XKR9: variants seen among roughly 807,000 people sequenced by gnomAD.
XKR9 encodes the protein XK-related protein 9.
A neutral mutation model predicts 32.0 loss-of-function variants in XKR9; 32 were observed. The observed-to-expected ratio is 1.00, with a 90% confidence interval of 0.76 to 1.34. The LOEUF (loss-of-function observed/expected upper bound fraction) is 1.34, where lower values mean the gene tolerates loss of function less well. Ranked by LOEUF, XKR9 falls within the 40% of genes most tolerant of loss-of-function variation. The pLI, the probability that XKR9 is intolerant of heterozygous loss-of-function variation, is 0.00. For synonymous variants in XKR9, 168 were observed against 143.4 expected, an observed-to-expected ratio of 1.17 and a Z score of -1.22; for missense variants, 546 against 429.7, an observed-to-expected ratio of 1.27 and a Z score of -2.39.
the XKR9 span, among the ~76,000 whole-genome samples, chr8:70,841,199 T>C: frequency 6.6e-6 from 1 of 152,160 alleles, no homozygotes; most frequent in African/African-American, 2.4e-5. Context: ...TGGACCTCAG[T>C]TTCCATCTCT....
chr8:70,706,460 T>G (rs1044476223), intron 3 of XKR9, among the ~76,000 whole-genome samples: 7 of 152,134 alleles, frequency 4.6e-5, no homozygotes, highest in Non-Finnish European at 8.8e-5. Context: ...TAAGGGAAAT[T>G]ATCTGTGTTG....
the XKR9 span, among the ~76,000 whole-genome samples, chr8:71,059,146 T>G: frequency 6.6e-6 from 1 of 152,270 alleles, no homozygotes; most frequent in Non-Finnish European, 1.5e-5. Flanking sequence ...TGATTAATAC[T>G]TTTCTGTGCC....
intron 2 of XKR9, among the ~76,000 whole-genome samples, chr8:70,779,177 G>A (rs145007884): frequency 5.8e-4 from 88 of 152,028 alleles, no homozygotes; most frequent in African/African-American, 2.0e-3. Context: ...GAATTTTGTC[G>A]AAGGCCTTTT....
At chr8:70,905,914 G>T in the XKR9 span, among the ~76,000 whole-genome samples, 3 of 152,214 alleles carry the variant, frequency 2.0e-5, no homozygotes, top group African/African-American at 7.2e-5. Context: ...GTTTGCCTGT[G>T]TTATCACCAG....
At chr8:70,710,438 T>C (rs268648) in intron 4 of XKR9, among the ~76,000 whole-genome samples, 97,550 of 152,066 alleles carry the variant, frequency 0.64, 31,733 homozygotes, top group Admixed American at 0.73. Context: ...CTGTGGCTCA[T>C]GCCTGTAATC....
intron 2 of XKR9, among the ~76,000 whole-genome samples, chr8:70,764,746 C>T (rs1419425314): frequency 2.6e-5 from 4 of 152,078 alleles, no homozygotes; most frequent in Non-Finnish European, 5.9e-5. Flanking sequence ...CCCCTTGCCT[C>T]CCACCCCCTG....
chr8:70,739,967 A>G (rs183306802), downstream of XKR9, among the ~76,000 whole-genome samples: 456 of 152,052 alleles, frequency 3.0e-3, 3 homozygotes, highest in African/African-American at 0.011. Context: ...CTTCTTGAGG[A>G]GTATCTTTGT....
downstream of XKR9, among the ~76,000 whole-genome samples, chr8:70,740,067 C>G (rs1806942983): frequency 6.6e-6 from 1 of 152,158 alleles, no homozygotes. Context: ...GAGTGTTTTC[C>G]AACTTGGTTC....
chr8:70,869,881 G>A, the XKR9 span, among the ~76,000 whole-genome samples: 4 of 152,146 alleles, frequency 2.6e-5, no homozygotes, highest in Non-Finnish European at 5.9e-5. Flanking sequence ...GAAAGCAGTG[G>A]CACTGGTCTG....
chr8:71,057,857 C>T, the XKR9 span, among the ~76,000 whole-genome samples: 1 of 152,132 alleles, frequency 6.6e-6, no homozygotes, highest in Non-Finnish European at 1.5e-5. Context: ...AAGAGCCACT[C>T]TGAGCCTTTG....
At chr8:70,836,638 T>C in the XKR9 span, among the ~76,000 whole-genome samples, 1 of 152,082 alleles carries the variant, frequency 6.6e-6, no homozygotes, top group African/African-American at 2.4e-5. Flanking sequence ...GCTTAGTTAT[T>C]ACAAATAACA....
chr8:70,872,802 A>G, the XKR9 span, among the ~76,000 whole-genome samples: 1 of 152,134 alleles, frequency 6.6e-6, no homozygotes, highest in African/African-American at 2.4e-5. Context: ...CTGGAATTAC[A>G]GGCATGTGCC....
the XKR9 span, among the ~76,000 whole-genome samples, chr8:70,898,221 T>G: frequency 2.6e-5 from 4 of 152,222 alleles, no homozygotes; most frequent in African/African-American, 9.6e-5. Flanking sequence ...GAGTTCACTG[T>G]AACTGTTAAA....
intron 4 of XKR9, among the ~76,000 whole-genome samples, chr8:70,717,535 C>T (rs988220198): frequency 8.5e-5 from 13 of 152,122 alleles, no homozygotes; most frequent in African/African-American, 3.1e-4. Context: ...TACATTGGCC[C>T]CTTTTAGCCA....
chr8:70,723,161 TC>T (rs1028579038), intron 4 of XKR9, among the ~76,000 whole-genome samples: 1 of 152,152 alleles, frequency 6.6e-6, no homozygotes, highest in African/African-American at 2.4e-5. Context: ...TCATTTATGT[TC>T]TTCTCTAAAC....
the XKR9 span, among the ~76,000 whole-genome samples, chr8:71,059,605 A>G: frequency 6.6e-6 from 1 of 152,180 alleles, no homozygotes; most frequent in East Asian, 1.9e-4. Flanking sequence ...ACTTGAAAGG[A>G]GGGTTGTGCC....
chr8:70,804,753 G>A, the XKR9 span, among the ~76,000 whole-genome samples: 1 of 152,130 alleles, frequency 6.6e-6, no homozygotes, highest in Admixed American at 6.5e-5. Context: ...AATATAATGG[G>A]TAGTCAAATA....
chr8:70,782,324 T>C (rs1390786178), intron 2 of XKR9, among the ~76,000 whole-genome samples: 5 of 152,222 alleles, frequency 3.3e-5, no homozygotes, highest in African/African-American at 1.2e-4. Context: ...AAAAGTGATA[T>C]TACGTTTTAT....
chr8:70,689,532 C>T (rs940871475), intron 3 of XKR9, among the ~76,000 whole-genome samples: 1 of 149,548 alleles, frequency 6.7e-6, no homozygotes, highest in Admixed American at 6.7e-5. Context: ...CCGGAGCTTC[C>T]TCTTCTAGAA....
Sources: gnomAD v4.1 joint callset for allele counts (sites outside exome capture counted in the v4.1 genomes callset) on GRCh38, gnomAD v4.1.1 for gene constraint, MANE v1.5 for transcripts, NCBI Gene and HGNC (gene_info 2026-07-23, HGNC 2026-07-21) for gene names.